Variants in CAST observed in about 807,000 individuals in gnomAD.
The protein encoded by CAST is MIR583 host.
A neutral mutation model predicts 119.6 loss-of-function variants in CAST; 76 were observed. The observed-to-expected ratio is 0.64, with a 90% CI of 0.53 to 0.77. The LOEUF is 0.77. CAST is among the 30% of genes least tolerant of loss of function. CAST has a pLI of 0.00. For missense variants in CAST, 953 were observed against 946.5 expected, an observed-to-expected ratio of 1.01 and a Z score of -0.09; for synonymous variants, 319 against 331.6, an observed-to-expected ratio of 0.96 and a Z score of 0.41.
chr5:96,672,656 A>G (rs6891870), intron 1 of CAST, among the ~76,000 whole-genome samples: 94,525 of 147,732 alleles, frequency 0.64, 31,891 homozygotes, highest in African/African-American at 0.85. Flanking sequence ...GCAGTGGGCC[A>G]AGATCGCACC....
chr5:96,474,918 A>C, the CAST span, among the ~76,000 whole-genome samples: 1 of 152,214 alleles, frequency 6.6e-6, no homozygotes, highest in African/African-American at 2.4e-5. Context: ...CCTTATGGAA[A>C]GAGACAAATA....
At chr5:96,393,154 G>A in the CAST span, 1 of 1,614,070 alleles carries the variant, frequency 6.2e-7, no homozygotes, top group Non-Finnish European at 8.5e-7. Context: ...GCTTTTCCAG[G>A]GCTTCGTAGA....
chr5:96,695,479 A>G (rs997399455), intron 2 of CAST, among the ~76,000 whole-genome samples: 2 of 152,140 alleles, frequency 1.3e-5, no homozygotes, highest in Non-Finnish European at 2.9e-5. Flanking sequence ...AGCATCTTTG[A>G]TACATATTTC....
chr5:96,254,287 T>A, the CAST span, among the ~76,000 whole-genome samples: 2 of 152,128 alleles, frequency 1.3e-5, no homozygotes, highest in African/African-American at 4.8e-5. Flanking sequence ...CTTCTTCTAG[T>A]ATGTCTTAGA....
chr5:96,054,622 A>G, the CAST span, among the ~76,000 whole-genome samples: 2 of 152,190 alleles, frequency 1.3e-5, no homozygotes, highest in African/African-American at 4.8e-5. Context: ...TTCCTTATCT[A>G]TAAAAATGGA....
chr5:96,394,735 CA>C, the CAST span: 1 of 803,550 alleles, frequency 1.2e-6, no homozygotes, highest in Non-Finnish European at 2.2e-6. Context: ...AATAGTTTAC[CA>C]CTATCACTTC....
chr5:96,479,567 A>C, the CAST span, among the ~76,000 whole-genome samples: 1 of 151,234 alleles, frequency 6.6e-6, no homozygotes, highest in Non-Finnish European at 1.5e-5. Context: ...CTCCTGCCTC[A>C]ACCTCCCCAG....
the CAST span, among the ~76,000 whole-genome samples, chr5:96,275,372 G>A: frequency 6.6e-6 from 1 of 152,074 alleles, no homozygotes; most frequent in Non-Finnish European, 1.5e-5. Flanking sequence ...AACCAATGAT[G>A]TCAAAAAAGG....
the CAST span, among the ~76,000 whole-genome samples, chr5:95,987,312 A>G: frequency 6.6e-6 from 1 of 152,006 alleles, no homozygotes; most frequent in Admixed American, 6.6e-5. Flanking sequence ...CTCTTTCAGC[A>G]CTAACCTGTT....
chr5:96,165,960 TTCATTATCCATTTCATTAA>T, the CAST span, among the ~76,000 whole-genome samples: 47,741 of 152,116 alleles, frequency 0.31, 7,725 homozygotes, highest in Middle Eastern at 0.39. Context: ...ATTTTTCATT[TTCATTATCCATTTCATTAA>T]TCATTATCCA....
intron 1 of CAST, among the ~76,000 whole-genome samples, chr5:96,554,290 C>A (rs1380470966): frequency 1.3e-5 from 2 of 152,146 alleles, no homozygotes; most frequent in Non-Finnish European, 2.9e-5. Flanking sequence ...ACTTGACACA[C>A]ACAAGCATTG....
the CAST span, among the ~76,000 whole-genome samples, chr5:95,991,497 GTTTTTTTTTTTTT>G: frequency 1.5e-5 from 1 of 64,968 alleles, no homozygotes; most frequent in African/African-American, 6.0e-5. Context: ...AACAAGTTTT[GTTTTTTTTTTTTT>G]TTTTTTTTTT....
chr5:96,703,627 T>C (rs558865834), intron 3 of CAST, among the ~76,000 whole-genome samples: 1 of 152,358 alleles, frequency 6.6e-6, no homozygotes, highest in East Asian at 1.9e-4. Context: ...ATTCCCATTG[T>C]ACAGCTTCAG....
the CAST span, among the ~76,000 whole-genome samples, chr5:96,498,347 TC>T: frequency 3.3e-5 from 5 of 152,236 alleles, no homozygotes; most frequent in African/African-American, 7.2e-5. Flanking sequence ...CAATGTGGGC[TC>T]TTTTTTGGTT....
chr5:96,309,422 T>A, the CAST span, among the ~76,000 whole-genome samples: 1 of 152,152 alleles, frequency 6.6e-6, no homozygotes, highest in Non-Finnish European at 1.5e-5. Context: ...GCCAGACCAC[T>A]TGGCTCCCTG....
upstream of CAST, among the ~76,000 whole-genome samples, chr5:96,527,127 T>A (rs1029845370): frequency 6.6e-6 from 1 of 152,218 alleles, no homozygotes; most frequent in African/African-American, 2.4e-5. Flanking sequence ...AGGAGTTAAA[T>A]ATACATTTAT....
the CAST span, among the ~76,000 whole-genome samples, chr5:96,108,711 A>G: frequency 6.6e-6 from 1 of 152,168 alleles, no homozygotes; most frequent in African/African-American, 2.4e-5. Context: ...GGTGGAGCCT[A>G]CAGAGGCAGG....
At chr5:96,454,778 A>G in the CAST span, among the ~76,000 whole-genome samples, 3 of 152,248 alleles carry the variant, frequency 2.0e-5, no homozygotes, top group Admixed American at 6.5e-5. Flanking sequence ...AGTAATACTG[A>G]ATCTCAAAGA....
chr5:96,480,135 A>G, the CAST span, among the ~76,000 whole-genome samples: 1 of 152,250 alleles, frequency 6.6e-6, no homozygotes, highest in Non-Finnish European at 1.5e-5. Flanking sequence ...GATCAAATTT[A>G]CAGTAAAGAA....
Sources: gnomAD v4.1 joint callset for allele counts (sites outside exome capture counted in the v4.1 genomes callset) on GRCh38, gnomAD v4.1.1 for gene constraint, MANE v1.5 for transcripts, NCBI Gene and HGNC (gene_info 2026-07-23, HGNC 2026-07-21) for gene names.